The following NDUFA12 variants were observed in gnomAD, a reference collection of about 807,000 sequenced individuals.
NDUFA12 encodes the protein NADH:ubiquinone oxidoreductase subunit A12.
NDUFA12 carries 17 observed loss-of-function variants against 20.3 expected under a neutral mutation model. The ratio of observed to expected loss-of-function variants is 0.84; its 90% CI spans 0.57 to 1.26. The LOEUF (loss-of-function observed/expected upper bound fraction) is 1.26, where lower values mean the gene tolerates loss of function less well. Among genes scored for constraint, NDUFA12 ranks in the 50% most tolerant of loss-of-function variants. The pLI is 0.00. For synonymous variants in NDUFA12, 72 were observed against 63.6 expected, an observed-to-expected ratio of 1.13 and a Z score of -0.63; for missense variants, 191 against 183.7, an observed-to-expected ratio of 1.04 and a Z score of -0.23.
intron 3 of NDUFA12, among the ~76,000 whole-genome samples, chr12:94,986,459 CA>C (rs548132063): frequency 4.0e-5 from 6 of 151,868 alleles, no homozygotes; most frequent in Non-Finnish European, 8.8e-5. Context: ...GTTTTTACCA[CA>C]AAAAAATGAT....
intron 3 of NDUFA12, among the ~76,000 whole-genome samples, chr12:94,989,104 C>A (rs1022497464): frequency 6.6e-6 from 1 of 152,182 alleles, no homozygotes; most frequent in Admixed American, 6.6e-5. Context: ...CCCGCTTCTA[C>A]GTCTTTCCTC....
rs146044204 is a variant in NDUFA12 at position 94,994,211 on chromosome 12, G to A, written c.216C>T (p.Asn72=). The change falls in exon 3 of 4, where the codon AAC becomes AAT. Residue 72 remains asparagine (N), a synonymous_variant. Coordinates refer to ENST00000327772, the MANE Select transcript of NDUFA12 (RefSeq NM_018838.5). ...VVYTTEMNGK[N]TFWDVDGSMV... is the part of the protein sequence containing the mutation. ...TGCTTCCATCCACATCCCAGAATGT[G>A]TTTTTGCCATTCATTTCAGTAGTAT... is the stretch of plus-strand genomic sequence containing the variant. 444 of 1,614,168 alleles carry A rather than the reference G, an allele frequency of 2.8e-4. 2 individuals carry two copies. In the East Asian group the frequency reaches 9.6e-3, roughly 35 times the overall value.
chr12:94,989,092 TC>T (rs1214823251), intron 3 of NDUFA12, among the ~76,000 whole-genome samples: 1 of 152,152 alleles, frequency 6.6e-6, no homozygotes, highest in African/African-American at 2.4e-5. Flanking sequence ...GAACGCTTTC[TC>T]CCCGCTTCTA....
At position 94,994,268 on chromosome 12, in the gene NDUFA12, A is replaced by AGAT. The variant is rs1874745907; in HGVS notation, c.170-14_170-12dup. On this transcript the variant is annotated splice_polypyrimidine_tract_variant and intron_variant, in intron 2 of 3. Coordinates refer to ENST00000327772, the MANE Select transcript of NDUFA12 (RefSeq NM_018838.5). ...CCCATCGGTGACGGCCTGGGTGGGA[A>AGAT]GATGAACATTTAAAAAGAAAAACTT... 2 of 1,611,220 alleles carry AGAT rather than the reference A, an allele frequency of 1.2e-6. No individual in the cohort carries two copies. Among genetic ancestry groups the AGAT allele is most frequent in the African/African-American group, 1.3e-5 (1 of 74,750 alleles).
In NDUFA12 at chr12:94,983,534, G is replaced by C. The variant is rs1370495299; in HGVS notation, c.257+10636C>G. 1.3e-5 allele frequency among the ~76,000 whole-genome samples: 2 copies of C among 152,176 alleles called. 1 individual carries two copies. Among genetic ancestry groups the C allele is most frequent in the Non-Finnish European group, 2.9e-5 (2 of 68,034 alleles). On this transcript the variant is annotated intron_variant, in intron 3 of 3. Coordinates refer to ENST00000327772, the MANE Select transcript of NDUFA12 (RefSeq NM_018838.5). ...GTGGGTCCTTCCCAAGTCAAACCTTGAGAGCACAGCAGCCTCAGAGAAGAT... is the reference window on the plus strand; with the variant it reads ...GTGGGTCCTTCCCAAGTCAAACCTTCAGAGCACAGCAGCCTCAGAGAAGAT...
chr12:94,972,754 C>T (rs950464712), intron 3 of NDUFA12, among the ~76,000 whole-genome samples: 1 of 152,080 alleles, frequency 6.6e-6, no homozygotes, highest in East Asian at 1.9e-4. Flanking sequence ...AAGTGCTTAA[C>T]AATTTAAGAG....
intron 1 of NDUFA12, 100 bp from the exon 2 acceptor site, chr12:95,002,921 G>A (rs1875110767): frequency 2.0e-6 from 2 of 988,822 alleles, no homozygotes; most frequent in African/African-American, 3.2e-5. Context: ...CACAAGGGCT[G>A]CTGCATCAAC....
At chr12:94,977,802 AT>A (rs1283756870) in intron 3 of NDUFA12, among the ~76,000 whole-genome samples, 31 of 152,344 alleles carry the variant, frequency 2.0e-4, no homozygotes, top group African/African-American at 7.2e-4. Context: ...GAAACATACA[AT>A]AAATTAAATA....
chr12:94,992,096 T>A (rs1203280602), intron 3 of NDUFA12, among the ~76,000 whole-genome samples: 1 of 152,226 alleles, frequency 6.6e-6, no homozygotes, highest in African/African-American at 2.4e-5. Context: ...TACTTATTTC[T>A]AGTTTTTGGG....
At chr12:94,996,540 C>T (rs1384993881) in intron 2 of NDUFA12, among the ~76,000 whole-genome samples, 1 of 151,894 alleles carries the variant, frequency 6.6e-6, no homozygotes, top group Admixed American at 6.6e-5. Context: ...AGAAAGGAGG[C>T]TGGCTGCAGT....
rs764415596 is a variant in NDUFA12, at chr12:94,971,464, G to A, written c.414C>T (p.Ile138=). 3.2e-5 allele frequency: 52 copies of A among 1,614,018 alleles called. No individual in the cohort carries two copies. Among genetic ancestry groups the A allele is most frequent in the Non-Finnish European group, 4.3e-5 (51 of 1,180,004 alleles). ...STTRKKIQEW[I]PPSTPYK is the part of the protein sequence containing the mutation. ...TTTACTTGTAAGGTGTTGAAGGTGGGATCCACTCCTGAATCTTCTTTCTAG... is the reference window on the plus strand; with the variant it reads ...TTTACTTGTAAGGTGTTGAAGGTGGAATCCACTCCTGAATCTTCTTTCTAG... Residue 138 remains isoleucine (I), a synonymous_variant, in exon 4 of 4, where the codon ATC becomes ATT. Transcript: ENST00000327772.
chr12:94,989,223 G>C (rs572729128), intron 3 of NDUFA12, among the ~76,000 whole-genome samples: 1 of 152,020 alleles, frequency 6.6e-6, no homozygotes, highest in Non-Finnish European at 1.5e-5. Context: ...TATCTTCCTT[G>C]CATTTTTCAT....
intron 3 of NDUFA12, among the ~76,000 whole-genome samples, chr12:94,993,833 C>T (rs1874729637): frequency 6.6e-6 from 1 of 151,952 alleles, no homozygotes; most frequent in African/African-American, 2.4e-5. Context: ...ACTCGGGAGG[C>T]TAAGACAGGA....
chr12:94,994,223 C>A lies in NDUFA12; in HGVS notation c.204G>T (p.Met68Ile), dbSNP rs1429423050. Reference protein sequence around the residue: ...RHRWVVYTTEMNGKNTFWDVD... With the variant: ...RHRWVVYTTEINGKNTFWDVD... The stretch of plus-strand genomic sequence containing the variant: ...CATCCCAGAATGTGTTTTTGCCATT[C>A]ATTTCAGTAGTATATACAACCCATC... The change falls in exon 3 of 4, where the codon ATG (methionine) becomes ATT (isoleucine). Residue 68 changes from methionine (M) to isoleucine (I), a missense_variant. Met to Ile is a conservative substitution (Grantham distance 10). Coordinates refer to ENST00000327772, the MANE Select transcript of NDUFA12 (RefSeq NM_018838.5). The A allele has an allele frequency of 6.2e-7, 1 of 1,614,174 alleles. No individual in the cohort carries two copies. Among genetic ancestry groups the A allele is most frequent in the Middle Eastern group, 1.7e-4 (1 of 6,060 alleles).
At chr12:94,982,275 C>CTTTT (rs201781364) in intron 3 of NDUFA12, among the ~76,000 whole-genome samples, 4 of 135,664 alleles carry the variant, frequency 2.9e-5, no homozygotes, top group Non-Finnish European at 6.4e-5. Flanking sequence ...TTTTTCTTTT[C>CTTTT]TTTTTTTTTT....
chr12:94,972,826 C>T (rs56362019), intron 3 of NDUFA12, among the ~76,000 whole-genome samples: 3 of 152,122 alleles, frequency 2.0e-5, no homozygotes, highest in South Asian at 2.1e-4. Context: ...AAGAGACCAC[C>T]GATGCTGCTG....
intron 2 of NDUFA12, among the ~76,000 whole-genome samples, chr12:94,998,168 G>A (rs1300397337): frequency 2.6e-5 from 4 of 151,940 alleles, no homozygotes; most frequent in Non-Finnish European, 5.9e-5. Context: ...AGGGATGCAG[G>A]GATGGTTTAA....
chr12:94,984,141 T>C (rs572430564), intron 3 of NDUFA12, among the ~76,000 whole-genome samples: 1 of 152,070 alleles, frequency 6.6e-6, no homozygotes, highest in Non-Finnish European at 1.5e-5. Flanking sequence ...GCTATAAATG[T>C]GGAAAGGGAG....
At chr12:94,998,595 A>G (rs1275554356) in intron 2 of NDUFA12, among the ~76,000 whole-genome samples, 1 of 152,198 alleles carries the variant, frequency 6.6e-6, no homozygotes, top group African/African-American at 2.4e-5. Flanking sequence ...AAGACCATCC[A>G]AAAAGCTCCT....
Sources: gnomAD v4.1 joint callset for allele counts (sites outside exome capture counted in the v4.1 genomes callset) on GRCh38, gnomAD v4.1.1 for gene constraint, MANE v1.5 for transcripts, NCBI Gene and HGNC (gene_info 2026-07-23, HGNC 2026-07-21) for gene names.